The following CHCHD3 variants were observed in gnomAD, a reference collection of about 807,000 sequenced individuals.
CHCHD3 encodes coiled-coil-helix-coiled-coil-helix domain containing 3, also known as MICOS complex subunit MIC19.
A neutral mutation model predicts 38.2 loss-of-function variants in CHCHD3; 20 were observed. The observed-to-expected ratio is 0.52, with a 90% confidence interval of 0.37 to 0.76. The LOEUF is 0.76. Among genes scored for constraint, CHCHD3 ranks in the 30% least tolerant of loss-of-function variants. The probability of loss-of-function intolerance (pLI) is 0.00; values close to 1 mark genes in which losing one functional copy is unlikely to be tolerated. For missense variants in CHCHD3, 245 were observed against 279.2 expected (o/e 0.88, Z 0.87); for synonymous variants, 82 against 100.0 (o/e 0.82, Z 1.07).
chr7:132,939,923 T>C (rs1175652330), intron 4 of CHCHD3, among the ~76,000 whole-genome samples: 2 of 152,220 alleles, frequency 1.3e-5, no homozygotes, highest in African/African-American at 4.8e-5. Context: ...CCTACGGACA[T>C]ATTCTTTTGA....
At chr7:132,894,052 C>G (rs111439901) in intron 4 of CHCHD3, among the ~76,000 whole-genome samples, 4,676 of 152,198 alleles carry the variant, frequency 0.031, 256 homozygotes, top group African/African-American at 0.11. Flanking sequence ...TGAATAAAGA[C>G]AGGAGGTTGT....
At chr7:133,057,453 C>G (rs1386539102) in intron 2 of CHCHD3, among the ~76,000 whole-genome samples, 1 of 151,894 alleles carries the variant, frequency 6.6e-6, no homozygotes, top group South Asian at 2.1e-4. Flanking sequence ...CCCAGCTACT[C>G]AGGAGGCTGA....
chr7:132,850,646 T>C (rs1447246778), intron 5 of CHCHD3, among the ~76,000 whole-genome samples: 1 of 152,172 alleles, frequency 6.6e-6, no homozygotes, highest in Non-Finnish European at 1.5e-5. Flanking sequence ...TTCACTTTTT[T>C]ACTTCTATTA....
intron 3 of CHCHD3, among the ~76,000 whole-genome samples, chr7:133,007,283 C>A (rs1812725580): frequency 6.6e-6 from 1 of 152,092 alleles, no homozygotes; most frequent in South Asian, 2.1e-4. Context: ...CAGGGGCAGA[C>A]CTAGGAGAGA....
intron 4 of CHCHD3, among the ~76,000 whole-genome samples, chr7:132,925,752 G>A (rs1332865149): frequency 3.3e-5 from 5 of 152,168 alleles, no homozygotes; most frequent in Non-Finnish European, 5.9e-5. Context: ...TGTCCTCTAA[G>A]AGCTTACTGA....
At chr7:132,944,985 A>C (rs1810861751) in intron 4 of CHCHD3, among the ~76,000 whole-genome samples, 1 of 151,960 alleles carries the variant, frequency 6.6e-6, no homozygotes, top group South Asian at 2.1e-4. Context: ...GAATTCTCTC[A>C]GCTTATAAAA....
chr7:133,048,486 TC>T (rs1187257536), intron 2 of CHCHD3, among the ~76,000 whole-genome samples: 4 of 151,988 alleles, frequency 2.6e-5, no homozygotes, highest in Admixed American at 6.6e-5. Flanking sequence ...CAAAGATGAA[TC>T]CGGCCTAATA....
In CHCHD3 at chr7:132,790,794, G is replaced by A. The variant is rs762646006; in HGVS notation, c.661-5134C>T. On this transcript the variant is annotated intron_variant, in intron 7 of 7. Coordinates refer to ENST00000262570, the MANE Select transcript of CHCHD3 (RefSeq NM_017812.4). ...GTCGGGGAGAGAAGCAGGGTGACTG[G>A]GAGCAGTAGAACCAAGGGAGGGTCT... 3.4e-4 allele frequency among the ~76,000 whole-genome samples: 52 copies of A among 152,182 alleles called. 1 individual carries two copies. Among genetic ancestry groups the A allele is most frequent in the Admixed American group, 3.3e-3 (50 of 15,280 alleles).
chr7:133,008,778 A>C (rs529046873), intron 3 of CHCHD3, among the ~76,000 whole-genome samples: 6 of 152,274 alleles, frequency 3.9e-5, no homozygotes, highest in South Asian at 2.1e-4. Flanking sequence ...CCTGGTATCG[A>C]TTTTAATATA....
chr7:132,872,360 C>T (rs745980140), intron 5 of CHCHD3, among the ~76,000 whole-genome samples: 124 of 152,286 alleles, frequency 8.1e-4, no homozygotes, highest in Non-Finnish European at 1.4e-3. Flanking sequence ...CTGCTGTGGA[C>T]ACCATGGTTC....
At chr7:132,919,301 CG>C (rs1394551964) in intron 4 of CHCHD3, among the ~76,000 whole-genome samples, 1 of 151,556 alleles carries the variant, frequency 6.6e-6, no homozygotes, top group East Asian at 2.0e-4. Context: ...TTAGTAGAGA[CG>C]GGGTTTCATC....
chr7:132,987,755 A>C (rs1584624395), intron 3 of CHCHD3, among the ~76,000 whole-genome samples: 1 of 152,198 alleles, frequency 6.6e-6, no homozygotes, highest in East Asian at 1.9e-4. Context: ...TTTTTAGAGA[A>C]ACTAAAAAAA....
chr7:132,885,741 C>T lies in CHCHD3; in HGVS notation c.374G>A (p.Arg125Lys), dbSNP rs1324560220. 6.2e-7 allele frequency: 1 copy of T among 1,606,298 alleles called. No homozygotes were observed. Among genetic ancestry groups the T allele is most frequent in the Non-Finnish European group, 8.5e-7 (1 of 1,177,392 alleles). ...CACTCGGTCTTTCTCTTCCAGCTGC[C>T]TAGCCTAAAAAAAGAAATGAGGAAT... ...EERAKAKHLA[R>K]QLEEKDRVLK... The change falls in exon 5 of 8, where the codon AGG (arginine) becomes AAG (lysine). Residue 125 changes from arginine (R) to lysine (K), a missense_variant. Arg to Lys is a conservative substitution (Grantham distance 26). Coordinates refer to ENST00000262570, the MANE Select transcript of CHCHD3 (RefSeq NM_017812.4).
At chr7:132,790,424 C>T (rs1158526160) in intron 7 of CHCHD3, among the ~76,000 whole-genome samples, 2 of 152,010 alleles carry the variant, frequency 1.3e-5, no homozygotes, top group East Asian at 1.9e-4. Flanking sequence ...CACGAAGCAA[C>T]GATTACTCTC....
chr7:132,867,083 A>G (rs538837840), intron 5 of CHCHD3, among the ~76,000 whole-genome samples: 47 of 152,314 alleles, frequency 3.1e-4, no homozygotes, highest in African/African-American at 1.1e-3. Flanking sequence ...ACCACTTGAC[A>G]TAAAATATAT....
chr7:132,977,486 T>C (rs1811798359), intron 3 of CHCHD3, among the ~76,000 whole-genome samples: 1 of 152,224 alleles, frequency 6.6e-6, no homozygotes, highest in Non-Finnish European at 1.5e-5. Context: ...GAGGTTATCA[T>C]ATCAGATTAC....
intron 6 of CHCHD3, among the ~76,000 whole-genome samples, chr7:132,797,392 C>T (rs909351280): frequency 6.6e-6 from 1 of 152,206 alleles, no homozygotes; most frequent in Admixed American, 6.5e-5. Flanking sequence ...GCTCTCCACC[C>T]CCCAACCCTG....
At chr7:133,065,793 T>A (rs1159758629) in intron 2 of CHCHD3, among the ~76,000 whole-genome samples, 1 of 152,242 alleles carries the variant, frequency 6.6e-6, no homozygotes, top group African/African-American at 2.4e-5. Flanking sequence ...TTTTTAATTC[T>A]AAGAAGAATA....
intron 6 of CHCHD3, among the ~76,000 whole-genome samples, chr7:132,808,293 T>C (rs1015249787): frequency 6.6e-6 from 1 of 152,212 alleles, no homozygotes; most frequent in African/African-American, 2.4e-5. Context: ...GCCCCTTCTC[T>C]GTCTTTTTAA....
Sources: gnomAD v4.1 joint callset for allele counts (sites outside exome capture counted in the v4.1 genomes callset) on GRCh38, gnomAD v4.1.1 for gene constraint, MANE v1.5 for transcripts, NCBI Gene and HGNC (gene_info 2026-07-23, HGNC 2026-07-21) for gene names.